CHSY3: variants seen among roughly 807,000 people sequenced by gnomAD.
The protein encoded by CHSY3 is chondroitin sulfate synthase 3, also known as N-acetylgalactosaminyl-proteoglycan 3-beta-glucuronosyltransferase 3.
Under a neutral mutation model 67.2 loss-of-function variants are expected in CHSY3, and 35 were observed. That is an observed-to-expected ratio of 0.52 (90% CI 0.40 to 0.69). CHSY3 has a LOEUF of 0.69. Ranked by LOEUF, CHSY3 falls within the 30% of genes least tolerant of loss-of-function variation. The pLI is 0.00. For missense variants in CHSY3, 1,069 were observed against 1,138.5 expected (o/e 0.94, Z 0.88); for synonymous variants, 474 against 434.7 (o/e 1.09, Z -1.12).
At chr5:130,142,165 C>G (rs1459044930) in intron 2 of CHSY3, among the ~76,000 whole-genome samples, 1 of 152,132 alleles carries the variant, frequency 6.6e-6, no homozygotes, top group African/African-American at 2.4e-5. Context: ...ATGTCTTAAA[C>G]AATTGTATTT....
intron 2 of CHSY3, chr5:130,141,004 C>G: frequency 2.7e-6 from 1 of 370,018 alleles, no homozygotes; most frequent in Non-Finnish European, 3.9e-6. Flanking sequence ...CCAAACTAGA[C>G]AAGTCACAGA....
Position 130,185,758 on chromosome 5 carries a change from T to A in CHSY3, c.2616T>A (p.His872Gln). The change falls in exon 3 of 3, where the codon CAT becomes CAA. Residue 872 changes from histidine (H) to glutamine (Q), a missense_variant. Physicochemically the swap from His to Gln is conservative, Grantham distance 24. Transcript: ENST00000305031. The stretch of plus-strand genomic sequence containing the variant: ...TGGCTGAACTCTGGCTTGAAAAACA[T>A]TTAGGTGTCAGGTACAATCGAACTC... ...MQLAELWLEK[H>Q]LGVRYNRTLS 2.5e-6 allele frequency: 4 copies of A among 1,608,706 alleles called. No individual in the cohort carries two copies. The highest frequency in any genetic ancestry group is 3.4e-6 in the Non-Finnish European group (4 of 1,176,410).
chr5:130,006,411 G>A (rs984133080), intron 2 of CHSY3, among the ~76,000 whole-genome samples: 4 of 152,146 alleles, frequency 2.6e-5, no homozygotes, highest in Non-Finnish European at 2.9e-5. Context: ...AGCTGTGAGC[G>A]ACAAGTTCCA....
chr5:130,006,663 G>A (rs1028532741), intron 2 of CHSY3, among the ~76,000 whole-genome samples: 2 of 152,132 alleles, frequency 1.3e-5, no homozygotes, highest in African/African-American at 4.8e-5. Context: ...ACAATATTTT[G>A]TGAAATAATA....
At chr5:130,122,058 G>A (rs1298779944) in intron 2 of CHSY3, among the ~76,000 whole-genome samples, 1 of 152,162 alleles carries the variant, frequency 6.6e-6, no homozygotes, top group African/African-American at 2.4e-5. Context: ...GTGACCCCAT[G>A]CTCCATTTGT....
At chr5:130,026,758 A>C (rs1764554431) in intron 2 of CHSY3, among the ~76,000 whole-genome samples, 1 of 152,178 alleles carries the variant, frequency 6.6e-6, no homozygotes, top group African/African-American at 2.4e-5. Context: ...TTGGCATATT[A>C]ATCTATTTAA....
intron 2 of CHSY3, among the ~76,000 whole-genome samples, chr5:129,917,737 A>G (rs1760778022): frequency 6.6e-6 from 1 of 152,174 alleles, no homozygotes; most frequent in African/African-American, 2.4e-5. Context: ...GCTTTGCTGT[A>G]ATAGGGAAGG....
At chr5:130,082,286 T>TA (rs11406934) in intron 2 of CHSY3, among the ~76,000 whole-genome samples, 103,445 of 151,910 alleles carry the variant, frequency 0.68, 36,433 homozygotes, top group African/African-American at 0.87. Flanking sequence ...CTTTGATTTA[T>TA]AAAGTAATAA....
At chr5:130,125,377 A>G (rs1768240614) in intron 2 of CHSY3, among the ~76,000 whole-genome samples, 1 of 152,030 alleles carries the variant, frequency 6.6e-6, no homozygotes, top group South Asian at 2.1e-4. Context: ...TGATCATTCC[A>G]TTGCACTCCA....
intron 2 of CHSY3, among the ~76,000 whole-genome samples, chr5:130,003,148 T>C (rs1042228068): frequency 6.6e-6 from 1 of 152,150 alleles, no homozygotes; most frequent in African/African-American, 2.4e-5. Flanking sequence ...TGCTAATTAA[T>C]TTGTGAGGAC....
chr5:129,946,573 G>C (rs1761860773), intron 2 of CHSY3, among the ~76,000 whole-genome samples: 1 of 152,002 alleles, frequency 6.6e-6, no homozygotes, highest in Non-Finnish European at 1.5e-5. Flanking sequence ...TATAACTGAA[G>C]GTTTATACCC....
At chr5:129,941,716 A>AG (rs1199635848) in intron 2 of CHSY3, among the ~76,000 whole-genome samples, 1 of 152,172 alleles carries the variant, frequency 6.6e-6, no homozygotes, top group Non-Finnish European at 1.5e-5. Flanking sequence ...AGCAGACACC[A>AG]GCTGGGTGTC....
At chr5:130,026,210 T>C (rs1764537048) in intron 2 of CHSY3, among the ~76,000 whole-genome samples, 1 of 152,154 alleles carries the variant, frequency 6.6e-6, no homozygotes, top group Non-Finnish European at 1.5e-5. Flanking sequence ...ATGGATTCCT[T>C]AGCAGTTTCT....
At chr5:130,102,826 G>A (rs1767290677) in intron 2 of CHSY3, among the ~76,000 whole-genome samples, 1 of 151,968 alleles carries the variant, frequency 6.6e-6, no homozygotes, top group South Asian at 2.1e-4. Context: ...TTTCAAAACT[G>A]TTTTCTGCTA....
At chr5:130,149,973 G>A (rs249606) in intron 2 of CHSY3, among the ~76,000 whole-genome samples, 30,040 of 152,086 alleles carry the variant, frequency 0.2, 3,743 homozygotes, top group African/African-American at 0.33. Flanking sequence ...TATGATCACA[G>A]CTATGTACAA....
intron 2 of CHSY3, among the ~76,000 whole-genome samples, chr5:129,995,961 C>A (rs1763526793): frequency 6.6e-6 from 1 of 152,028 alleles, no homozygotes; most frequent in Admixed American, 6.6e-5. Flanking sequence ...CTCTCTCTCT[C>A]TGTCTCTCTC....
rs948046474 is a variant in CHSY3 at position 129,924,478 on chromosome 5, T to A, written c.1086+16118T>A. Among the ~76,000 whole-genome samples the A allele has an allele frequency of 7.9e-5, 12 of 151,626 alleles. No homozygotes were observed. In the South Asian group the frequency reaches 1.5e-3, roughly 18 times the overall value. On this transcript the variant is annotated intron_variant, in intron 2 of 2. Coordinates refer to ENST00000305031, the MANE Select transcript of CHSY3 (RefSeq NM_175856.5). Reference sequence around the variant, plus strand: ...CTGGCCAACATGATGAAACCCTGTCTCTACTAAAAATACAAGCATTAGCCA... The same window carrying A: ...CTGGCCAACATGATGAAACCCTGTCACTACTAAAAATACAAGCATTAGCCA...
chr5:130,131,627 A>G (rs1339563560), intron 2 of CHSY3, among the ~76,000 whole-genome samples: 1 of 152,170 alleles, frequency 6.6e-6, no homozygotes, highest in Non-Finnish European at 1.5e-5. Context: ...AATCCAGGCA[A>G]TAACTACTGA....
At chr5:129,940,580 T>C (rs1761666021) in intron 2 of CHSY3, among the ~76,000 whole-genome samples, 1 of 152,102 alleles carries the variant, frequency 6.6e-6, no homozygotes, top group Non-Finnish European at 1.5e-5. Context: ...GAAAATTACA[T>C]AAAATTGACC....
Sources: allele counts gnomAD v4.1 joint callset (sites outside exome capture counted in the v4.1 genomes callset), GRCh38; gene constraint gnomAD v4.1.1; transcripts MANE v1.5; gene names NCBI Gene and HGNC (gene_info 2026-07-23, HGNC 2026-07-21).